The following SECISBP2 variants were observed in gnomAD, a reference collection of about 807,000 sequenced individuals.
SECISBP2 encodes the protein selenocysteine insertion sequence-binding protein 2.
SECISBP2 carries 96 observed loss-of-function variants against 98.2 expected under a neutral mutation model. That is an observed-to-expected ratio of 0.98 (90% confidence interval 0.83 to 1.16). The LOEUF (loss-of-function observed/expected upper bound fraction) is 1.16. SECISBP2 is among the 50% of genes most tolerant of loss of function. SECISBP2 has a pLI of 0.00. For synonymous variants in SECISBP2, 407 were observed against 370.2 expected (o/e 1.10, Z -1.14); for missense variants, 1,046 against 1,022.9 (o/e 1.02, Z -0.31).
rs1564431675 is a variant in SECISBP2 at position 89,350,712 on chromosome 9, G to GTA, written c.1975_1976dup (p.Met659IlefsTer20). On this transcript the variant is annotated frameshift_variant, in exon 14 of 17. Coordinates refer to ENST00000375807, the MANE Select transcript of SECISBP2 (RefSeq NM_024077.5). LOFTEE classifies it high-confidence loss of function. The stretch of plus-strand genomic sequence containing the variant: ...AAAGAACTGGTCCGTTTCCAAGACC[G>GTA]TATGTACCAGAAAGATCCAGTCAAG... The GTA allele has an allele frequency of 6.2e-7, 1 of 1,614,168 alleles. No homozygotes were observed. Among genetic ancestry groups the GTA allele is most frequent in the African/African-American group, 1.3e-5 (1 of 75,056 alleles).
At chr9:89,364,080 C>A (rs1439114980), downstream of SECISBP2, 6 of 1,569,752 alleles carry the variant, frequency 3.8e-6, no homozygotes, top group Non-Finnish European at 3.5e-6. Flanking sequence ...ACTTCCAATT[C>A]AGTCCCTGGG....
At position 89,358,002 on chromosome 9, in the gene SECISBP2, C is replaced by G; in HGVS notation, c.2272C>G (p.Gln758Glu). 1.9e-6 allele frequency: 3 copies of G among 1,612,878 alleles called. No homozygotes were observed. Among genetic ancestry groups the G allele is most frequent in the Non-Finnish European group, 2.5e-6 (3 of 1,179,938 alleles). Residue 758 changes from glutamine to glutamate, a missense_variant, in exon 16 of 17, where the codon CAG (glutamine) becomes GAG (glutamate). Coordinates refer to ENST00000375807, the MANE Select transcript of SECISBP2 (RefSeq NM_024077.5). Reference protein sequence around the residue: ...GIFSYDGAQDQFHKMVELTVA... With the variant: ...GIFSYDGAQDEFHKMVELTVA... Reference sequence around the variant, plus strand: ...TGTGCTCTCACTTGTGCCCAAGGATCAGTTCCACAAGATGGTTGAGCTGAC... The same window carrying G: ...TGTGCTCTCACTTGTGCCCAAGGATGAGTTCCACAAGATGGTTGAGCTGAC...
intron 6 of SECISBP2, 113 bp downstream of exon 6, chr9:89,333,099 TG>T: frequency 1.1e-6 from 1 of 877,490 alleles, no homozygotes. Context: ...AGACAGCTAA[TG>T]AATTGTGGGT....
the SECISBP2 span, among the ~76,000 whole-genome samples, chr9:89,366,623 A>G: frequency 6.6e-6 from 1 of 152,244 alleles, no homozygotes; most frequent in African/African-American, 2.4e-5. Context: ...ATAAGTACAT[A>G]TTACATAGAT....
intron 10 of SECISBP2, among the ~76,000 whole-genome samples, chr9:89,343,255 T>C (rs1286367545): frequency 6.6e-6 from 1 of 152,226 alleles, no homozygotes; most frequent in African/African-American, 2.4e-5. Context: ...CATGAAAATT[T>C]TCCACCATAG....
intron 5 of SECISBP2, 73 bp downstream of exon 5, chr9:89,328,959 T>C (rs1223893744): frequency 5.6e-6 from 7 of 1,261,058 alleles, no homozygotes; most frequent in Non-Finnish European, 7.9e-6. Flanking sequence ...ACATTACACA[T>C]TAAATCTTGC....
intron 14 of SECISBP2, chr9:89,357,192 G>T (rs1463423701): frequency 1.5e-5 from 9 of 598,784 alleles, no homozygotes; most frequent in Non-Finnish European, 2.4e-5. Flanking sequence ...AACTTTTCCT[G>T]TTAAGACAAT....
In SECISBP2 at chr9:89,333,258, T is replaced by G. The variant is rs142808994; in HGVS notation, c.880+272T>G. On this transcript the variant is annotated intron_variant, in intron 6 of 16. Transcript: ENST00000375807. Reference sequence around the variant, plus strand: ...TATGAACTCAGCAGTAACTACTTCCTTTAGTATTGCCTATTCTCAAAAGTT... The same window carrying G: ...TATGAACTCAGCAGTAACTACTTCCGTTAGTATTGCCTATTCTCAAAAGTT... Among the ~76,000 whole-genome samples the G allele has an allele frequency of 8.4e-3, 1,287 of 152,320 alleles. 15 individuals carry two copies. The highest frequency in any genetic ancestry group is 0.03 in the African/African-American group (1,238 of 41,560).
At chr9:89,329,895 C>T (rs1827460678) in intron 5 of SECISBP2, 2 of 151,976 alleles carry the variant, frequency 1.3e-5, no homozygotes, top group Admixed American at 6.6e-5. Flanking sequence ...AGCACTTTTT[C>T]CAATATAGAA....
chr9:89,363,071 T>C (rs1832954917), downstream of SECISBP2, among the ~76,000 whole-genome samples: 1 of 152,194 alleles, frequency 6.6e-6, no homozygotes, highest in Admixed American at 6.5e-5. Context: ...TCCCCATCTG[T>C]CCAGGTTTCC....
rs1035551081 is a variant in SECISBP2, at chr9:89,346,782, C to T, written c.1436-100C>T. On this transcript the variant is annotated intron_variant, in intron 10 of 16. Coordinates refer to ENST00000375807, the MANE Select transcript of SECISBP2 (RefSeq NM_024077.5). The stretch of plus-strand genomic sequence containing the variant: ...AAGCTGGGGGTGACTTGGCAAACTC[C>T]TTCAGATACCCTGAGGCAGCCCCTG... 27 of 1,437,526 alleles carry T rather than the reference C, an allele frequency of 1.9e-5. No individual in the cohort carries two copies. In the African/African-American group the frequency reaches 3.5e-4, roughly 19 times the overall value. 89.0% of individuals were successfully genotyped at this position (1,437,526 alleles called of 1,614,324 possible).
intron 1 of SECISBP2, chr9:89,318,936 C>G: frequency 3.4e-6 from 4 of 1,193,134 alleles, no homozygotes; most frequent in Non-Finnish European, 4.2e-6. Context: ...CTCTTGGGAA[C>G]GGATAGATTG....
Position 89,335,046 on chromosome 9 carries a change from C to T in SECISBP2, c.1089+316C>T, listed in dbSNP as rs145722461. On this transcript the variant is annotated intron_variant, in intron 7 of 16. Transcript: ENST00000375807. ...TGGCTAACACAGTGAAACCCCATCT[C>T]TACTAAGAAATACAAACAAATTACC... is the stretch of plus-strand genomic sequence containing the variant. Among the ~76,000 whole-genome samples the T allele has an allele frequency of 8.3e-3, 1,266 of 152,062 alleles. 14 individuals carry two copies. Among genetic ancestry groups the T allele is most frequent in the African/African-American group, 0.029 (1,218 of 41,498 alleles).
intron 10 of SECISBP2, among the ~76,000 whole-genome samples, chr9:89,346,228 A>C (rs187124871): frequency 2.4e-4 from 37 of 152,370 alleles, no homozygotes; most frequent in Middle Eastern, 3.4e-3. Context: ...ATTACTTGAA[A>C]TAACTATTGA....
Position 89,358,882 on chromosome 9 carries a change from T to C in SECISBP2, c.*58T>C, listed in dbSNP as rs1002365389. ...AGGAGGGGAGGTCTGAAAAAGACTT[T>C]GGGGCTTTTTCTTCTGTTTTTCATG... On this transcript the variant is annotated 3_prime_UTR_variant, in exon 17 of 17. Transcript: ENST00000375807. 4.7e-5 allele frequency: 49 copies of C among 1,035,850 alleles called. No homozygotes were observed. In the East Asian group the frequency reaches 1.1e-3, roughly 24 times the overall value. The allele number at this position is 1,035,850 out of a possible 1,614,324, so 64.2% of individuals were successfully genotyped here.
At position 89,359,081 on chromosome 9, in the gene SECISBP2, C is replaced by T. The variant is rs1832542129; in HGVS notation, c.*257C>T. On this transcript the variant is annotated 3_prime_UTR_variant, in exon 17 of 17. Coordinates refer to ENST00000375807, the MANE Select transcript of SECISBP2 (RefSeq NM_024077.5). ...CAGCTCTGGCTTTCTGAGCACACTA[C>T]GGATCTGGAAAATACTGGAAAATGT... 6 of 497,420 alleles carry T rather than the reference C, an allele frequency of 1.2e-5. No individual in the cohort carries two copies. Among genetic ancestry groups the T allele is most frequent in the South Asian group, 4.2e-5 (2 of 47,370 alleles). The allele number at this position is 497,420 out of a possible 1,614,324, so 30.8% of individuals were successfully genotyped here. A position where few individuals can be genotyped will look rare whatever the true frequency, so the allele number is the denominator to read the frequency against.
chr9:89,351,317 A>C (rs1449362256), intron 14 of SECISBP2, among the ~76,000 whole-genome samples: 2 of 152,182 alleles, frequency 1.3e-5, no homozygotes, highest in African/African-American at 4.8e-5. Flanking sequence ...CATTTTACTT[A>C]AACTGGAATG....
At position 89,341,431 on chromosome 9, in the gene SECISBP2, C is replaced by A; in HGVS notation, c.1387C>A (p.Gln463Lys). The change falls in exon 10 of 17, where the codon CAG (glutamine) becomes AAG (lysine). Residue 463 changes from glutamine to lysine, a missense_variant. Gln to Lys is a moderately conservative substitution (Grantham distance 53, BLOSUM62 1). Coordinates refer to ENST00000375807, the MANE Select transcript of SECISBP2 (RefSeq NM_024077.5). ...CATGCTGACAGCCCTGGAGAAGAAGCAGCACTCTCAGCATGCAAAGCAGTC... is the reference window on the plus strand; with the variant it reads ...CATGCTGACAGCCCTGGAGAAGAAGAAGCACTCTCAGCATGCAAAGCAGTC... Reference protein sequence around the residue: ...GGMLTALEKKQHSQHAKQSSK... With the variant: ...GGMLTALEKKKHSQHAKQSSK... 6.2e-7 allele frequency: 1 copy of A among 1,614,132 alleles called. No homozygotes were observed. The highest frequency in any genetic ancestry group is 8.5e-7 in the Non-Finnish European group (1 of 1,179,990).
At position 89,341,416 on chromosome 9, in the gene SECISBP2, G is replaced by A. The variant is rs757992446; in HGVS notation, c.1372G>A (p.Ala458Thr). ...GTTGGACTTGGGGGGCATGCTGACA[G>A]CCCTGGAGAAGAAGCAGCACTCTCA... ...VQLDLGGMLT[A>T]LEKKQHSQHA... is the part of the protein sequence containing the mutation. Residue 458 changes from alanine to threonine, a missense_variant, in exon 10 of 17, where the codon GCC becomes ACC. By Grantham distance (58) the Ala-to-Thr change is moderately conservative. Coordinates refer to ENST00000375807, the MANE Select transcript of SECISBP2 (RefSeq NM_024077.5). 3.7e-6 allele frequency: 6 copies of A among 1,614,060 alleles called. No homozygotes were observed. The South Asian group carries it at 6.6e-5, about 18-fold the overall frequency.
Sources: allele counts gnomAD v4.1 joint callset (sites outside exome capture counted in the v4.1 genomes callset), GRCh38; gene constraint gnomAD v4.1.1; transcripts MANE v1.5; gene names NCBI Gene and HGNC (gene_info 2026-07-23, HGNC 2026-07-21).